The following PDE1A variants were observed in gnomAD, a reference collection of about 807,000 sequenced individuals.
The protein encoded by PDE1A is dual specificity calcium/calmodulin-dependent 3',5'-cyclic nucleotide phosphodiesterase 1A.
A neutral mutation model predicts 61.7 loss-of-function variants in PDE1A; 35 were observed. The observed-to-expected ratio is 0.57, with a 90% CI of 0.43 to 0.75. The LOEUF (loss-of-function observed/expected upper bound fraction) is 0.75. PDE1A is among the 30% of genes least tolerant of loss of function. PDE1A has a pLI of 0.00. For synonymous variants in PDE1A, 232 were observed against 213.2 expected, an observed-to-expected ratio of 1.09 and a Z score of -0.77; for missense variants, 597 against 630.6, an observed-to-expected ratio of 0.95 and a Z score of 0.57.
the PDE1A span, among the ~76,000 whole-genome samples, chr2:182,529,784 T>C: frequency 6.6e-6 from 1 of 152,210 alleles, no homozygotes; most frequent in South Asian, 2.1e-4. Context: ...TTATAAGCCT[T>C]TCACTTGGCT....
the PDE1A span, among the ~76,000 whole-genome samples, chr2:182,677,753 G>T: frequency 2.0e-5 from 3 of 152,142 alleles, no homozygotes; most frequent in Non-Finnish European, 4.4e-5. Context: ...CAAAGCTGAC[G>T]AAAACAAGCA....
intron 2 of PDE1A, among the ~76,000 whole-genome samples, chr2:182,520,660 C>A (rs971123517): frequency 6.6e-6 from 1 of 151,896 alleles, no homozygotes; most frequent in African/African-American, 2.4e-5. Context: ...TGCATAAATC[C>A]ACCAGCATAC....
At chr2:182,211,589 C>G (rs1687606255) in intron 7 of PDE1A, among the ~76,000 whole-genome samples, 1 of 152,142 alleles carries the variant, frequency 6.6e-6, no homozygotes, top group South Asian at 2.1e-4. Flanking sequence ...TGGATTATAT[C>G]TATAGATGAA....
At chr2:182,532,309 G>A in the PDE1A span, among the ~76,000 whole-genome samples, 1 of 152,140 alleles carries the variant, frequency 6.6e-6, no homozygotes, top group Non-Finnish European at 1.5e-5. Context: ...CCCTGATGTA[G>A]AGTACACACT....
chr2:182,628,575 A>C, the PDE1A span, among the ~76,000 whole-genome samples: 1 of 152,212 alleles, frequency 6.6e-6, no homozygotes, highest in Admixed American at 6.5e-5. Flanking sequence ...ATGATATTGC[A>C]TCAATGTATA....
At chr2:182,697,702 G>T in the PDE1A span, among the ~76,000 whole-genome samples, 4 of 152,208 alleles carry the variant, frequency 2.6e-5, no homozygotes, top group Non-Finnish European at 5.9e-5. Context: ...GTCAACCCCA[G>T]CTTCTCTGCT....
chr2:182,474,227 T>C (rs1488318083), intron 2 of PDE1A, among the ~76,000 whole-genome samples: 1 of 151,942 alleles, frequency 6.6e-6, no homozygotes, highest in East Asian at 1.9e-4. Context: ...GTCTAGGTAT[T>C]TTACTATGAT....
At chr2:182,635,441 T>A in the PDE1A span, among the ~76,000 whole-genome samples, 1 of 152,146 alleles carries the variant, frequency 6.6e-6, no homozygotes, top group Non-Finnish European at 1.5e-5. Flanking sequence ...TAATATACCT[T>A]AGAAATCTTT....
chr2:182,211,604 C>T (rs1332944083), intron 7 of PDE1A, among the ~76,000 whole-genome samples: 4 of 152,082 alleles, frequency 2.6e-5, no homozygotes, highest in Admixed American at 6.5e-5. Flanking sequence ...GATGAAGTTG[C>T]GAAGAACTGA....
intron 2 of PDE1A, among the ~76,000 whole-genome samples, chr2:182,465,514 G>A (rs1488533865): frequency 2.0e-5 from 3 of 151,816 alleles, no homozygotes; most frequent in Non-Finnish European, 4.4e-5. Flanking sequence ...ATTTTTTTAA[G>A]TAGAAAATAA....
chr2:182,524,771 T>C (rs527771551), upstream of PDE1A, among the ~76,000 whole-genome samples: 20 of 152,154 alleles, frequency 1.3e-4, no homozygotes, highest in African/African-American at 3.8e-4. Flanking sequence ...CAAGGGAAAA[T>C]TGAGAAAATA....
chr2:182,501,945 C>T (rs768082471), intron 2 of PDE1A, among the ~76,000 whole-genome samples: 1 of 152,120 alleles, frequency 6.6e-6, no homozygotes, highest in African/African-American at 2.4e-5. Flanking sequence ...AACCTCTGAG[C>T]CTGCATGGAA....
At position 182,343,380 on chromosome 2, in the gene PDE1A, A is replaced by G. The variant is rs181201340; in HGVS notation, c.54-78966T>C. On this transcript the variant is annotated intron_variant, in intron 1 of 13. Coordinates refer to ENST00000351439, the Ensembl canonical transcript of PDE1A. ...GCACTATACCAACTAACCACTTCAC[A>G]GTACATATACATAATTTAAATAGGA... Among the ~76,000 whole-genome samples, 384 of 152,340 alleles carry G rather than the reference A, an allele frequency of 2.5e-3. 3 individuals carry two copies. Among genetic ancestry groups the G allele is most frequent in the African/African-American group, 8.7e-3 (360 of 41,578 alleles).
chr2:182,484,810 A>G (rs1687914628), intron 2 of PDE1A, among the ~76,000 whole-genome samples: 1 of 152,112 alleles, frequency 6.6e-6, no homozygotes, highest in Non-Finnish European at 1.5e-5. Flanking sequence ...AAAAACCGCA[A>G]TGAGACACCA....
intron 2 of PDE1A, among the ~76,000 whole-genome samples, chr2:182,452,499 G>C (rs1685596944): frequency 1.3e-5 from 2 of 151,986 alleles, no homozygotes; most frequent in South Asian, 4.1e-4. Context: ...CTTTTGTTTT[G>C]TTTTCTTTGT....
chr2:182,523,345 C>T (rs1005246644), upstream of PDE1A, among the ~76,000 whole-genome samples: 19 of 151,918 alleles, frequency 1.3e-4, no homozygotes, highest in Admixed American at 7.2e-4. Flanking sequence ...TGATGGTTTG[C>T]GGCTTGTGCA....
the PDE1A span, among the ~76,000 whole-genome samples, chr2:182,574,826 G>A: frequency 6.6e-6 from 1 of 152,142 alleles, no homozygotes; most frequent in Non-Finnish European, 1.5e-5. Context: ...AAGTAGCTGG[G>A]ACTACAGGTA....
chr2:182,344,750 T>TCTCACA (rs1055846729), intron 1 of PDE1A, among the ~76,000 whole-genome samples: 11 of 150,536 alleles, frequency 7.3e-5, no homozygotes, highest in African/African-American at 2.4e-4. Flanking sequence ...TCTCTCTCTC[T>TCTCACA]CACACACACA....
the PDE1A span, among the ~76,000 whole-genome samples, chr2:182,642,634 C>A: frequency 9.2e-5 from 14 of 152,230 alleles, no homozygotes; most frequent in African/African-American, 3.1e-4. Flanking sequence ...GAAGAGATGG[C>A]TCCCATCTCT....
Sources: allele counts gnomAD v4.1 joint callset (sites outside exome capture counted in the v4.1 genomes callset), GRCh38; gene constraint gnomAD v4.1.1; transcripts MANE v1.5; gene names NCBI Gene and HGNC (gene_info 2026-07-23, HGNC 2026-07-21).